Variants in SEMA6D observed in about 807,000 individuals in gnomAD.
SEMA6D encodes semaphorin-6D.
In SEMA6D, 35 loss-of-function variants were observed where a neutral mutation model predicts 106.6. That is an observed-to-expected ratio of 0.33 (90% CI 0.25 to 0.44). SEMA6D has a LOEUF of 0.44. Among genes scored for constraint, SEMA6D ranks in the 20% least tolerant of loss-of-function variants. The probability of loss-of-function intolerance (pLI) is 1.00; values close to 1 mark genes in which losing one functional copy is unlikely to be tolerated. For synonymous variants in SEMA6D, 499 were observed against 487.7 expected, an observed-to-expected ratio of 1.02 and a Z score of -0.31; for missense variants, 1,185 against 1,345.9, an observed-to-expected ratio of 0.88 and a Z score of 1.87.
chr15:47,281,484 T>C (rs569886037), intron 1 of SEMA6D, among the ~76,000 whole-genome samples: 20 of 150,720 alleles, frequency 1.3e-4, no homozygotes, highest in Non-Finnish European at 2.4e-4. Context: ...CTTTATCCAA[T>C]TTGCCAGTCT....
chr15:47,400,876 T>A (rs2040376644), intron 1 of SEMA6D, among the ~76,000 whole-genome samples: 1 of 152,180 alleles, frequency 6.6e-6, no homozygotes, highest in Admixed American at 6.5e-5. Flanking sequence ...ATTCATACAA[T>A]ATCAGGCAGG....
chr15:47,291,440 C>G (rs1042835608), intron 1 of SEMA6D, among the ~76,000 whole-genome samples: 3 of 152,160 alleles, frequency 2.0e-5, no homozygotes, highest in Non-Finnish European at 4.4e-5. Flanking sequence ...GGACTCTCAC[C>G]TGCAGATGGC....
At chr15:47,288,470 A>T (rs191162614) in intron 1 of SEMA6D, among the ~76,000 whole-genome samples, 3 of 152,316 alleles carry the variant, frequency 2.0e-5, no homozygotes, top group African/African-American at 7.2e-5. Flanking sequence ...CCAATGTTGA[A>T]ATTAAGACTT....
At chr15:47,661,273 A>G (rs928061279) in intron 4 of SEMA6D, among the ~76,000 whole-genome samples, 8 of 152,238 alleles carry the variant, frequency 5.3e-5, no homozygotes, top group African/African-American at 1.7e-4. Context: ...CCTTTTACAT[A>G]CTTTCACATC....
intron 4 of SEMA6D, among the ~76,000 whole-genome samples, chr15:47,677,535 C>T (rs905998640): frequency 6.6e-6 from 1 of 152,174 alleles, no homozygotes; most frequent in African/African-American, 2.4e-5. Context: ...TACAGAGAAG[C>T]ATGTGGAATG....
intron 2 of SEMA6D, among the ~76,000 whole-genome samples, chr15:47,426,409 A>G (rs1275645470): frequency 6.6e-6 from 1 of 152,150 alleles, no homozygotes; most frequent in African/African-American, 2.4e-5. Flanking sequence ...AGAGCAAAAC[A>G]GAATAGTTTT....
intron 1 of SEMA6D, among the ~76,000 whole-genome samples, chr15:47,395,351 A>G (rs968836722): frequency 2.6e-5 from 4 of 152,194 alleles, no homozygotes; most frequent in African/African-American, 9.6e-5. Context: ...GGCTTTGTCA[A>G]TAGAGAAATC....
chr15:47,344,273 AT>A (rs1203582412), intron 1 of SEMA6D, among the ~76,000 whole-genome samples: 1 of 152,214 alleles, frequency 6.6e-6, no homozygotes, highest in African/African-American at 2.4e-5. Context: ...TTTAGTGCAC[AT>A]TTAAATAAAT....
intron 3 of SEMA6D, among the ~76,000 whole-genome samples, chr15:47,573,745 CTT>C (rs2076106824): frequency 6.6e-6 from 1 of 152,234 alleles, no homozygotes; most frequent in African/African-American, 2.4e-5. Context: ...CAAGTCTAAA[CTT>C]AGCCTGGCTT....
At chr15:47,658,429 G>T (rs993032458) in intron 4 of SEMA6D, among the ~76,000 whole-genome samples, 1 of 152,146 alleles carries the variant, frequency 6.6e-6, no homozygotes, top group African/African-American at 2.4e-5. Flanking sequence ...AAGATACATA[G>T]ATGGACTGTA....
At chr15:47,618,041 A>G (rs2077037844) in intron 4 of SEMA6D, among the ~76,000 whole-genome samples, 1 of 152,188 alleles carries the variant, frequency 6.6e-6, no homozygotes, top group Non-Finnish European at 1.5e-5. Context: ...CACAGAAGAC[A>G]GTTCAGAGAA....
chr15:47,248,639 C>G (rs2033334390), intron 1 of SEMA6D, among the ~76,000 whole-genome samples: 1 of 152,204 alleles, frequency 6.6e-6, no homozygotes, highest in African/African-American at 2.4e-5. Flanking sequence ...TGGGAGTCTT[C>G]TGCAGTTTTT....
At chr15:47,704,966 G>T (rs1024615995) in intron 4 of SEMA6D, among the ~76,000 whole-genome samples, 1 of 151,962 alleles carries the variant, frequency 6.6e-6, no homozygotes, top group Non-Finnish European at 1.5e-5. Context: ...TTTAAAAAAG[G>T]TTCTATAATA....
intron 4 of SEMA6D, among the ~76,000 whole-genome samples, chr15:47,701,424 AC>A (rs1428155327): frequency 6.6e-6 from 1 of 152,190 alleles, no homozygotes; most frequent in African/African-American, 2.4e-5. Context: ...TAGGAGGAAT[AC>A]GTTCACTATA....
At chr15:47,317,737 T>A (rs1005521946) in intron 1 of SEMA6D, among the ~76,000 whole-genome samples, 1 of 152,192 alleles carries the variant, frequency 6.6e-6, no homozygotes, top group Non-Finnish European at 1.5e-5. Context: ...TTATCTTTGT[T>A]ACTTTAAGGG....
chr15:47,686,365 G>C (rs1186757141), intron 4 of SEMA6D, among the ~76,000 whole-genome samples: 1 of 152,062 alleles, frequency 6.6e-6, no homozygotes, highest in African/African-American at 2.4e-5. Context: ...AGTCCTACAC[G>C]TGAAGACTTA....
chr15:47,729,642 T>G (rs1340531259), intron 1 of SEMA6D, among the ~76,000 whole-genome samples: 2 of 152,190 alleles, frequency 1.3e-5, no homozygotes, highest in Admixed American at 6.5e-5. Flanking sequence ...CTGTGAGGAT[T>G]GATACCCACA....
chr15:47,464,173 G>C (rs2042593477), intron 2 of SEMA6D, among the ~76,000 whole-genome samples: 1 of 152,120 alleles, frequency 6.6e-6, no homozygotes, highest in African/African-American at 2.4e-5. Context: ...GTGACCTTAA[G>C]AAGAGATTTT....
At chr15:47,742,388 C>G (rs1323504012) in intron 1 of SEMA6D, among the ~76,000 whole-genome samples, 1 of 152,114 alleles carries the variant, frequency 6.6e-6, no homozygotes, top group Non-Finnish European at 1.5e-5. Context: ...GAGCAGCCAG[C>G]GGTGCCTTGC....
Sources: gnomAD v4.1 joint callset for allele counts (sites outside exome capture counted in the v4.1 genomes callset) on GRCh38, gnomAD v4.1.1 for gene constraint, MANE v1.5 for transcripts, NCBI Gene and HGNC (gene_info 2026-07-23, HGNC 2026-07-21) for gene names.